The following DOP1B variants were observed in gnomAD, a reference collection of about 807,000 sequenced individuals.
DOP1B encodes protein DOP1B.
In DOP1B, 174 loss-of-function variants were observed where a neutral mutation model predicts 233.5. The ratio of observed to expected loss-of-function variants is 0.75; its 90% confidence interval spans 0.66 to 0.85. DOP1B has a LOEUF of 0.85. DOP1B is among the 40% of genes least tolerant of loss of function. DOP1B has a pLI of 0.00. For missense variants in DOP1B, 2,652 were observed against 2,846.6 expected (o/e 0.93, Z 1.56); for synonymous variants, 1,190 against 1,185.6 (o/e 1.00, Z -0.08).
At chr21:36,263,447 C>T in intron 24 of DOP1B, 99 bp from the exon 25 acceptor site, 2 of 998,034 alleles carry the variant, frequency 2.0e-6, no homozygotes, top group East Asian at 2.5e-5. Flanking sequence ...TGCTGTTTAC[C>T]CTTTGCTTTC....
At chr21:36,221,897 G>A (rs150380448) in intron 10 of DOP1B, among the ~76,000 whole-genome samples, 59 of 152,242 alleles carry the variant, frequency 3.9e-4, no homozygotes, top group African/African-American at 1.3e-3. Context: ...TTTTGAGACG[G>A]AGTCTCGCTC....
chr21:36,263,553 G>A lies in DOP1B; in HGVS notation c.5323G>A (p.Val1775Ile), dbSNP rs2067198256. 6.2e-7 allele frequency: 1 copy of A among 1,613,910 alleles called. No individual in the cohort carries two copies. The highest frequency in any genetic ancestry group is 8.5e-7 in the Non-Finnish European group (1 of 1,179,952). Residue 1775 changes from valine (V) to isoleucine (I), a missense_variant, in exon 25 of 37, where the codon GTA becomes ATA. Val to Ile is a conservative substitution (Grantham distance 29, BLOSUM62 3). Transcript: ENST00000691173. ...FCYAFLQRLP[V>I]PALQENFSSL... is the part of the protein sequence containing the mutation. ...TATCTTTTAAAAAAACAGGCTCCCA[G>A]TACCAGCCTTGCAAGAGAACTTTTC...
chr21:36,199,073 C>G lies in DOP1B; in HGVS notation c.142C>G (p.Leu48Val). 1 of 1,608,788 alleles carries G rather than the reference C, an allele frequency of 6.2e-7. No individual in the cohort carries two copies. The highest frequency in any genetic ancestry group is 8.5e-7 in the Non-Finnish European group (1 of 1,178,504). Residue 48 changes from leucine (L) to valine (V), a missense_variant, in exon 3 of 37, where the codon CTT (leucine) becomes GTT (valine). Coordinates refer to ENST00000691173, the MANE Select transcript of DOP1B (RefSeq NM_001320714.2). ...ISSLGKLNKA[L>V]QSNLRYSLLP... ...TTTTTTTTGTCTTGTTTGACAGGCTCTTCAGAGTAACCTGAGGTACTCCTT... is the reference window on the plus strand; with the variant it reads ...TTTTTTTTGTCTTGTTTGACAGGCTGTTCAGAGTAACCTGAGGTACTCCTT...
chr21:36,265,994 G>A (rs1404100149), intron 26 of DOP1B, among the ~76,000 whole-genome samples: 3 of 151,726 alleles, frequency 2.0e-5, no homozygotes, highest in African/African-American at 7.3e-5. Context: ...TGCAGGTTGA[G>A]GGCTCAGTCC....
chr21:36,159,768 C>T (rs1394261535), intron 1 of DOP1B, among the ~76,000 whole-genome samples: 3 of 152,202 alleles, frequency 2.0e-5, no homozygotes, highest in South Asian at 2.1e-4. Context: ...TATCACAGTT[C>T]TCTTCCTGGT....
Position 36,270,074 on chromosome 21 carries a change from C to T in DOP1B, c.5549C>T (p.Thr1850Ile), listed in dbSNP as rs771019010. The T allele has an allele frequency of 1.2e-6, 2 of 1,614,082 alleles. No individual in the cohort carries two copies. The highest frequency in any genetic ancestry group is 1.7e-6 in the Non-Finnish European group (2 of 1,180,022). Residue 1850 changes from threonine to isoleucine, a missense_variant, in exon 27 of 37, where the codon ACC (threonine) becomes ATC (isoleucine). Around this residue, in one of 3 missense-constraint regions of DOP1B, gnomAD observed 2,617 missense variants for 2,794.3 expected, o/e 0.94. Transcript: ENST00000691173. ...GNIAGSSLEQ[T>I]SWLSRNLEVK... ...ATTGCCGGCTCTTCCTTGGAGCAAA[C>T]CAGCTGGCTAAGCAGAAACCTGGAA...
In DOP1B at chr21:36,292,180, G is replaced by C. The variant is rs2067566984; in HGVS notation, c.6592G>C (p.Glu2198Gln). The C allele has an allele frequency of 6.2e-7, 1 of 1,612,324 alleles. No homozygotes were observed. Among genetic ancestry groups the C allele is most frequent in the African/African-American group, 1.3e-5 (1 of 74,702 alleles). The change falls in exon 36 of 37, where the codon GAA becomes CAA. Residue 2198 changes from glutamate (E) to glutamine (Q), a missense_variant. This residue lies in a region of DOP1B where 2,617 missense variants were observed against 2,794.3 expected (regional missense o/e 0.94). Coordinates refer to ENST00000691173, the MANE Select transcript of DOP1B (RefSeq NM_001320714.2). ...GTCGGATGTAGAGGAGAATCACCAA[G>C]AATGCAAACCCCACACTGTCAGGAT... ...FLSDVEENHQ[E>Q]CKPHTVRILE...
intron 7 of DOP1B, among the ~76,000 whole-genome samples, chr21:36,213,102 T>C (rs2066519223): frequency 1.3e-5 from 2 of 152,226 alleles, no homozygotes; most frequent in African/African-American, 4.8e-5. Context: ...TCAAAGATCT[T>C]ACCAAAGTCA....
intron 2 of DOP1B, among the ~76,000 whole-genome samples, chr21:36,183,053 C>T (rs1007458337): frequency 6.6e-6 from 1 of 152,178 alleles, no homozygotes; most frequent in Non-Finnish European, 1.5e-5. Flanking sequence ...CAGGGTCTCA[C>T]TATGTTGCCC....
At chr21:36,213,307 T>A (rs1385537074) in intron 7 of DOP1B, among the ~76,000 whole-genome samples, 1 of 152,158 alleles carries the variant, frequency 6.6e-6, no homozygotes, top group African/African-American at 2.4e-5. Context: ...ACACTGGGCC[T>A]GACCACAGTG....
At chr21:36,196,562 CACATTATTTT>C (rs1337981325) in intron 2 of DOP1B, among the ~76,000 whole-genome samples, 1 of 148,946 alleles carries the variant, frequency 6.7e-6, no homozygotes, top group African/African-American at 2.5e-5. Context: ...CACATTTTTT[CACATTATTTT>C]ATTAGCATTC....
At position 36,211,822 on chromosome 21, in the gene DOP1B, G is replaced by C. The variant is rs151325536; in HGVS notation, c.781-152G>C. 6 of 1,309,678 alleles carry C rather than the reference G, an allele frequency of 4.6e-6. No homozygotes were observed. The Admixed American group carries it at 1.2e-4, about 26-fold the overall frequency. The allele number at this position is 1,309,678 out of a possible 1,614,324, so 81.1% of individuals were successfully genotyped here. On this transcript the variant is annotated intron_variant, in intron 6 of 36. Coordinates refer to ENST00000691173, the MANE Select transcript of DOP1B (RefSeq NM_001320714.2). ...TGCAAGGATAGCGTTTTCATTGCAC[G>C]TATTGAATAGCTTCTTTCCATGGGT...
chr21:36,180,905 C>G (rs2066091579), intron 2 of DOP1B, among the ~76,000 whole-genome samples: 1 of 151,138 alleles, frequency 6.6e-6, no homozygotes, highest in Non-Finnish European at 1.5e-5. Flanking sequence ...AAAAAGTATT[C>G]ACTTATGTCC....
At position 36,263,796 on chromosome 21, in the gene DOP1B, G is replaced by A. The variant is rs1183981628; in HGVS notation, c.5469G>A (p.Lys1823=). 9 of 1,614,180 alleles carry A rather than the reference G, an allele frequency of 5.6e-6. No homozygotes were observed. The highest frequency in any genetic ancestry group is 7.6e-6 in the Non-Finnish European group (9 of 1,180,036). ...GAACTCCCAACCTGGAAAACAAGAA[G>A]GACCAAAAAGACCTGCAGGTTTGTA... ...VTRTPNLENK[K]DQKDLQEITQ... Residue 1823 remains lysine (K), a synonymous_variant, in exon 26 of 37, where the codon AAG becomes AAA. Coordinates refer to ENST00000691173, the MANE Select transcript of DOP1B (RefSeq NM_001320714.2).
chr21:36,229,621 G>T (rs571829707), intron 13 of DOP1B, among the ~76,000 whole-genome samples: 1 of 149,912 alleles, frequency 6.7e-6, no homozygotes, highest in Admixed American at 6.6e-5. Flanking sequence ...GGGGGACACC[G>T]TTCAACCCAT....
At chr21:36,201,299 AGT>A (rs1344458349) in intron 4 of DOP1B, among the ~76,000 whole-genome samples, 1 of 148,908 alleles carries the variant, frequency 6.7e-6, no homozygotes, top group African/African-American at 2.5e-5. Context: ...TCGCACAGTC[AGT>A]GAGCCCCACA....
At position 36,294,230 on chromosome 21, in the gene DOP1B, C is replaced by G. The variant is rs932178991; in HGVS notation, c.*659C>G. On this transcript the variant is annotated 3_prime_UTR_variant, in exon 37 of 37. Transcript: ENST00000691173. ...CTTTCTCAGTATATTTCTCTTTTCT[C>G]TAAAAGTTTAAACTTATTAAAAGAA... 6.6e-6 allele frequency: 1 copy of G among 152,570 alleles called. No homozygotes were observed. Among genetic ancestry groups the G allele is most frequent in the Non-Finnish European group, 1.5e-5 (1 of 68,058 alleles). The allele number at this position is 152,570 out of a possible 1,614,324, so 9.5% of individuals were successfully genotyped here. A position where few individuals can be genotyped will look rare whatever the true frequency, so the allele number is the denominator to read the frequency against.
intron 23 of DOP1B, among the ~76,000 whole-genome samples, chr21:36,255,683 C>T (rs1331304075): frequency 2.6e-5 from 4 of 151,474 alleles, no homozygotes; most frequent in Non-Finnish European, 4.4e-5. Context: ...CCTCCTGCCT[C>T]GGCCTCCCAA....
rs757891246 is a variant in DOP1B at position 36,246,288 on chromosome 21, G to A, written c.4308G>A (p.Pro1436=). Residue 1436 remains proline (P), a synonymous_variant, in exon 19 of 37, where the codon CCG becomes CCA. Transcript: ENST00000691173. This position sits in a 1 kb window ranked among gnomAD's most constrained non-coding sequence, Gnocchi z 5.1. ...LGQDQIWSEH[P]LQIELLKLLQ... is the part of the protein sequence containing the mutation. ...AGGACCAGATCTGGAGTGAGCACCCGCTGCAGATTGAGCTGCTGAAGCTGC... is the reference window on the plus strand; with the variant it reads ...AGGACCAGATCTGGAGTGAGCACCCACTGCAGATTGAGCTGCTGAAGCTGC... The A allele has an allele frequency of 1.6e-5, 26 of 1,613,828 alleles. No homozygotes were observed. Among genetic ancestry groups the A allele is most frequent in the East Asian group, 1.1e-4 (5 of 44,888 alleles).
Sources: gnomAD v4.1 joint callset for allele counts (sites outside exome capture counted in the v4.1 genomes callset) on GRCh38, gnomAD v4.1.1 for gene constraint, gnomAD v4.1.1 regional missense constraint, Gnocchi (gnomAD v3.1) non-coding constraint, MANE v1.5 for transcripts, NCBI Gene and HGNC (gene_info 2026-07-23, HGNC 2026-07-21) for gene names.